EPHA4: variants seen among roughly 807,000 people sequenced by gnomAD.
The protein encoded by EPHA4 is EPH receptor A4, also known as ephrin type-A receptor 4.
Under a neutral mutation model 108.3 loss-of-function variants are expected in EPHA4, and 19 were observed. The ratio of observed to expected loss-of-function variants is 0.18; its 90% CI spans 0.12 to 0.26. The LOEUF (loss-of-function observed/expected upper bound fraction) is 0.26, where lower values mean the gene tolerates loss of function less well. Among genes scored for constraint, EPHA4 ranks in the 10% least tolerant of loss-of-function variants. The pLI is 1.00. For missense variants in EPHA4, 917 were observed against 1,254.0 expected (o/e 0.73, Z 4.06); for synonymous variants, 449 against 455.5 (o/e 0.99, Z 0.18).
At chr2:221,491,311 T>G (rs1016242759) in intron 4 of EPHA4, among the ~76,000 whole-genome samples, 2 of 152,250 alleles carry the variant, frequency 1.3e-5, no homozygotes, top group Non-Finnish European at 2.9e-5. Flanking sequence ...ATTAATTTAC[T>G]TTCCTTGCAA....
At chr2:221,509,223 G>A (rs146283819) in intron 3 of EPHA4, among the ~76,000 whole-genome samples, 108 of 152,314 alleles carry the variant, frequency 7.1e-4, no homozygotes, top group African/African-American at 2.4e-3. Flanking sequence ...AGCTATTCAG[G>A]AGGCTGAGGT....
Position 221,526,810 on chromosome 2 carries a change from G to A in EPHA4, c.824-25638C>T, listed in dbSNP as rs186628154. On this transcript the variant is annotated intron_variant, in intron 3 of 17. Transcript: ENST00000281821. ...TGCAGTGGGCCGAGATCGAGATCGC[G>A]CCATTGCATTCCAGCCTGGGCAATA... 6.6e-5 allele frequency among the ~76,000 whole-genome samples: 9 copies of A among 135,452 alleles called. No individual in the cohort carries two copies. In the Admixed American group the frequency reaches 7.6e-4, roughly 11 times the overall value. The allele number at this position is 135,452 out of a possible 152,430, so 88.9% of individuals were successfully genotyped here.
chr2:221,481,434 G>A (rs187147809), intron 5 of EPHA4, among the ~76,000 whole-genome samples: 2 of 150,306 alleles, frequency 1.3e-5, no homozygotes, highest in East Asian at 2.0e-4. Flanking sequence ...GGCGGATCAC[G>A]AGGTCAGGAG....
At chr2:221,457,557 A>G (rs1159268659) in intron 6 of EPHA4, among the ~76,000 whole-genome samples, 1 of 152,228 alleles carries the variant, frequency 6.6e-6, no homozygotes, top group Non-Finnish European at 1.5e-5. Flanking sequence ...TAGTTATATT[A>G]CAATACAATG....
intron 5 of EPHA4, among the ~76,000 whole-genome samples, chr2:221,481,163 C>G (rs764317524): frequency 6.6e-6 from 1 of 152,048 alleles, no homozygotes; most frequent in Non-Finnish European, 1.5e-5. Context: ...AAGTCAGAAG[C>G]GAAAGCCTAG....
chr2:221,471,534 G>A (rs1013021274), intron 5 of EPHA4, among the ~76,000 whole-genome samples: 4 of 152,166 alleles, frequency 2.6e-5, no homozygotes, highest in African/African-American at 9.6e-5. Context: ...TCTGAAATAG[G>A]TAGAGGAAAA....
chr2:221,552,133 GTCT>G (rs1300174673), intron 3 of EPHA4, among the ~76,000 whole-genome samples: 2 of 152,060 alleles, frequency 1.3e-5, no homozygotes, highest in African/African-American at 4.8e-5. Flanking sequence ...GGCTGCTTAT[GTCT>G]TCTTTTTCTT....
intron 2 of EPHA4, among the ~76,000 whole-genome samples, chr2:221,566,969 G>GGAAGAAGAAGAAGAAGAAGAAGAA (rs71050343): frequency 0.11 from 2,973 of 27,654 alleles, 949 homozygotes; most frequent in Non-Finnish European, 0.13. Flanking sequence ...AAGAGGAAGA[G>GGAAGAAGAAGAAGAAGAAGAAGAA]GAAGAAGAAG....
At chr2:221,555,316 T>C (rs1008440614) in intron 3 of EPHA4, among the ~76,000 whole-genome samples, 5 of 152,198 alleles carry the variant, frequency 3.3e-5, no homozygotes, top group African/African-American at 1.2e-4. Context: ...AGATTTTGGC[T>C]GGGGTTTCCA....
At chr2:221,460,820 T>C (rs13018730) in intron 5 of EPHA4, among the ~76,000 whole-genome samples, 7,732 of 152,276 alleles carry the variant, frequency 0.051, 293 homozygotes, top group Non-Finnish European at 0.081. Flanking sequence ...ATTTTCCCCC[T>C]ACCGCAGTGT....
chr2:221,464,442 G>C (rs563439814), intron 5 of EPHA4, among the ~76,000 whole-genome samples: 1 of 152,060 alleles, frequency 6.6e-6, no homozygotes, highest in African/African-American at 2.4e-5. Flanking sequence ...TAAGGGTTTC[G>C]CGTCTCTGAG....
rs952762080 is a variant in EPHA4, at chr2:221,477,849, T to C, written c.1318+4503A>G. Among the ~76,000 whole-genome samples the C allele has an allele frequency of 1.1e-4, 16 of 152,264 alleles. No homozygotes were observed. The East Asian group carries it at 2.9e-3, about 28-fold the overall frequency. On this transcript the variant is annotated intron_variant, in intron 5 of 17. Coordinates refer to ENST00000281821, the MANE Select transcript of EPHA4 (RefSeq NM_004438.5). ...TTGAAACGGAAAAGATCTTAGAGAT[T>C]AGCTGGTTTAAATAATTACGTAATG...
chr2:221,439,820 G>A (rs1450557859), intron 11 of EPHA4, among the ~76,000 whole-genome samples: 1 of 152,146 alleles, frequency 6.6e-6, no homozygotes, highest in Admixed American at 6.5e-5. Context: ...GAGACGACAG[G>A]AGAGGATCCA....
Position 221,539,583 on chromosome 2 carries a change from A to G in EPHA4, c.823+24148T>C, listed in dbSNP as rs73994298. On this transcript the variant is annotated intron_variant, in intron 3 of 17. Coordinates refer to ENST00000281821, the MANE Select transcript of EPHA4 (RefSeq NM_004438.5). ...AGCAGCTAGATTCTTAGAATAGTGA[A>G]GGAGCTTTGAAGAAAGAGCTTGGAG... is the stretch of plus-strand genomic sequence containing the variant. 1.2e-4 allele frequency among the ~76,000 whole-genome samples: 18 copies of G among 152,304 alleles called. 1 individual carries two copies. In the East Asian group the frequency reaches 3.1e-3, roughly 26 times the overall value.
intron 4 of EPHA4, among the ~76,000 whole-genome samples, chr2:221,497,008 C>T (rs1692318740): frequency 6.6e-6 from 1 of 152,046 alleles, no homozygotes; most frequent in Non-Finnish European, 1.5e-5. Flanking sequence ...GAGTCCTACC[C>T]CCCCACCAGA....
intron 15 of EPHA4, among the ~76,000 whole-genome samples, chr2:221,427,003 G>A (rs1029334163): frequency 3.3e-5 from 5 of 152,124 alleles, no homozygotes; most frequent in Non-Finnish European, 5.9e-5. Flanking sequence ...ACAGACTTTC[G>A]TTCAGCAACT....
chr2:221,446,537 G>GTA (rs1179683195), intron 8 of EPHA4, among the ~76,000 whole-genome samples: 1 of 151,856 alleles, frequency 6.6e-6, no homozygotes, highest in Non-Finnish European at 1.5e-5. Flanking sequence ...ATATACATGT[G>GTA]TATATATATG....
In EPHA4 at chr2:221,571,064, A is replaced by T. The variant is rs1426497470; in HGVS notation, c.91+1094T>A. ...GAACACACGCGCACACACTCAGGAC[A>T]TCTGCGCACAGACATACAATCCTCC... On this transcript the variant is annotated intron_variant, in intron 1 of 17. Transcript: ENST00000281821. The surrounding 1 kb of genome is among the most constrained non-coding windows in gnomAD (Gnocchi z 6.3). 2.6e-5 allele frequency among the ~76,000 whole-genome samples: 4 copies of T among 152,046 alleles called. No individual in the cohort carries two copies. The East Asian group carries it at 5.8e-4, about 22-fold the overall frequency.
intron 8 of EPHA4, among the ~76,000 whole-genome samples, chr2:221,452,891 T>C (rs1690830791): frequency 6.6e-6 from 1 of 152,200 alleles, no homozygotes; most frequent in African/African-American, 2.4e-5. Flanking sequence ...TTAAGGATGC[T>C]ATTTTCCGTA....
Sources: gnomAD v4.1 joint callset for allele counts (sites outside exome capture counted in the v4.1 genomes callset) on GRCh38, gnomAD v4.1.1 for gene constraint, Gnocchi (gnomAD v3.1) non-coding constraint, MANE v1.5 for transcripts, NCBI Gene and HGNC (gene_info 2026-07-23, HGNC 2026-07-21) for gene names.